The following PHC3 variants were observed in gnomAD, a reference collection of about 807,000 sequenced individuals.
PHC3 encodes polyhomeotic-like protein 3.
In PHC3, 13 loss-of-function variants were observed where a neutral mutation model predicts 107.4. The ratio of observed to expected loss-of-function variants is 0.12; its 90% CI spans 0.08 to 0.19. PHC3 has a LOEUF of 0.19. Ranked by LOEUF, PHC3 falls within the 10% of genes least tolerant of loss-of-function variation. PHC3 has a pLI of 1.00. For missense variants in PHC3, 992 were observed against 1,210.9 expected (o/e 0.82, Z 2.68); for synonymous variants, 456 against 427.4 (o/e 1.07, Z -0.83).
At chr3:170,101,935 ATGTT>A (rs1330245776) in intron 14 of PHC3, among the ~76,000 whole-genome samples, 85 of 152,260 alleles carry the variant, frequency 5.6e-4, no homozygotes, top group South Asian at 2.1e-4. Context: ...AAGGCTCTTG[ATGTT>A]TATTTATTGA....
At chr3:170,168,149 CT>C (rs1272965444) in intron 4 of PHC3, among the ~76,000 whole-genome samples, 1 of 149,186 alleles carries the variant, frequency 6.7e-6, no homozygotes, top group Non-Finnish European at 1.5e-5. Context: ...GAGGAAGACT[CT>C]GTCAAAGGAA....
intron 8 of PHC3, 23 bp from the exon 9 acceptor site, chr3:170,122,767 C>T (rs377073809): frequency 1.2e-6 from 2 of 1,605,268 alleles, no homozygotes; most frequent in African/African-American, 2.7e-5. Context: ...ACCATACTGC[C>T]TTAAAATGTT....
intron 7 of PHC3, among the ~76,000 whole-genome samples, chr3:170,130,067 G>A (rs1279738226): frequency 6.6e-6 from 1 of 152,182 alleles, no homozygotes; most frequent in Non-Finnish European, 1.5e-5. Flanking sequence ...ACTGTGATAA[G>A]TTCTAAAAGA....
chr3:170,170,682 G>A (rs746742198), intron 4 of PHC3: 1 of 152,044 alleles, frequency 6.6e-6, no homozygotes, highest in Non-Finnish European at 1.5e-5. Flanking sequence ...GGAAAAGAAT[G>A]AATGATAAAG....
In PHC3 at chr3:170,127,711, G is replaced by C. The variant is rs139005904; in HGVS notation, c.1788+973C>G. 3.7e-3 allele frequency among the ~76,000 whole-genome samples: 564 copies of C among 152,210 alleles called. 6 individuals carry two copies. Among genetic ancestry groups the C allele is most frequent in the African/African-American group, 0.013 (554 of 41,532 alleles). On this transcript the variant is annotated intron_variant, in intron 8 of 14. Coordinates refer to ENST00000495893, the MANE Select transcript of PHC3 (RefSeq NM_024947.4). ...TAGCTTTTAGGTGATAAAATCTCTTGGATGAGGTGTAATACAAAACCTCCC... is the reference window on the plus strand; with the variant it reads ...TAGCTTTTAGGTGATAAAATCTCTTCGATGAGGTGTAATACAAAACCTCCC...
At chr3:170,128,662 C>T in intron 8 of PHC3, 22 bp downstream of exon 8, 3 of 1,595,220 alleles carry the variant, frequency 1.9e-6, no homozygotes, top group Non-Finnish European at 2.6e-6. Context: ...GCAAGAAAGT[C>T]AAAGAGCTTC....
intron 14 of PHC3, among the ~76,000 whole-genome samples, chr3:170,099,181 G>A (rs532043741): frequency 6.6e-6 from 1 of 152,268 alleles, no homozygotes; most frequent in African/African-American, 2.4e-5. Context: ...AGGAAAATAT[G>A]TAGCACATTC....
rs1714552225 is a variant in PHC3, at chr3:170,095,595, A to C, written c.*1635T>G. On this transcript the variant is annotated 3_prime_UTR_variant, in exon 15 of 15. Coordinates refer to ENST00000495893, the MANE Select transcript of PHC3 (RefSeq NM_024947.4). ...TTGAAAAGAGCAGTGAAAATGACTG[A>C]AACTCACGGACTCTTTTTTTCCCCT... The C allele has an allele frequency of 6.6e-6, 1 of 152,196 alleles. No homozygotes were observed. Among genetic ancestry groups the C allele is most frequent in the Admixed American group, 6.5e-5 (1 of 15,268 alleles). The allele number at this position is 152,196 out of a possible 1,614,324, so 9.4% of individuals were successfully genotyped here. A position where few individuals can be genotyped will look rare whatever the true frequency, so the allele number is the denominator to read the frequency against.
Position 170,178,921 on chromosome 3 carries a change from G to A in PHC3, c.32C>T (p.Thr11Ile). The A allele has an allele frequency of 6.2e-7, 1 of 1,613,278 alleles. No homozygotes were observed. Among genetic ancestry groups the A allele is most frequent in the Non-Finnish European group, 8.5e-7 (1 of 1,179,468 alleles). MAEAEFKDHS[T>I]AMDTEPNPGT... Reference sequence around the variant, plus strand: ...CGGGTTTGGTTCAGTATCCATAGCTGTACTATGGTCCTTAAATCTGGCAGG... The same window carrying A: ...CGGGTTTGGTTCAGTATCCATAGCTATACTATGGTCCTTAAATCTGGCAGG... The change falls in exon 2 of 15, where the codon ACA becomes ATA. Residue 11 changes from threonine to isoleucine, a missense_variant. Thr to Ile is a moderately conservative substitution (Grantham distance 89). Transcript: ENST00000495893.
Position 170,095,010 on chromosome 3 carries a change from AT to A in PHC3, c.*2219del, listed in dbSNP as rs895060870. On this transcript the variant is annotated 3_prime_UTR_variant, in exon 15 of 15. Transcript: ENST00000495893. ...GGAGCAGTCTATCCCCATATAATAA[AT>A]TTTGTATTAACCGTGGATAATCTAT... 2.0e-5 allele frequency: 3 copies of A among 152,160 alleles called. No individual in the cohort carries two copies. Among genetic ancestry groups the A allele is most frequent in the African/African-American group, 7.2e-5 (3 of 41,430 alleles). The allele number at this position is 152,160 out of a possible 1,614,324, so 9.4% of individuals were successfully genotyped here.
At position 170,128,311 on chromosome 3, in the gene PHC3, A is replaced by G. The variant is rs750185683; in HGVS notation, c.1788+373T>C. On this transcript the variant is annotated intron_variant, in intron 8 of 14. Coordinates refer to ENST00000495893, the MANE Select transcript of PHC3 (RefSeq NM_024947.4). ...CATACGTTTTGAGAACATACAAGCC[A>G]ACAGAAGGGATCTATGAAGGATAAT... The G allele has an allele frequency of 2.5e-6, 3 of 1,219,094 alleles. No individual in the cohort carries two copies. In the South Asian group the frequency reaches 4.1e-5, roughly 17 times the overall value. The allele number at this position is 1,219,094 out of a possible 1,614,324, so 75.5% of individuals were successfully genotyped here.
intron 4 of PHC3, among the ~76,000 whole-genome samples, chr3:170,155,821 C>A (rs1726804198): frequency 6.6e-6 from 1 of 152,116 alleles, no homozygotes; most frequent in Non-Finnish European, 1.5e-5. Context: ...AACACACACA[C>A]ACCCATGCAC....
intron 10 of PHC3, among the ~76,000 whole-genome samples, chr3:170,114,167 G>A (rs989233550): frequency 1.3e-4 from 20 of 152,022 alleles, no homozygotes; most frequent in Non-Finnish European, 7.4e-5. Flanking sequence ...GTGCCACCGC[G>A]CCTGGCTAAT....
chr3:170,167,616 C>T (rs1485519348), intron 4 of PHC3, among the ~76,000 whole-genome samples: 5 of 151,878 alleles, frequency 3.3e-5, no homozygotes, highest in African/African-American at 9.7e-5. Flanking sequence ...AAAAATTAGC[C>T]GGGCATGGTG....
intron 2 of PHC3, chr3:170,176,806 T>C (rs1461749149): frequency 7.1e-6 from 3 of 423,916 alleles, no homozygotes; most frequent in African/African-American, 4.1e-5. Context: ...AGATACTTCA[T>C]TAATCTCAAA....
chr3:170,132,231 A>G (rs907159627), intron 7 of PHC3, among the ~76,000 whole-genome samples: 1 of 152,230 alleles, frequency 6.6e-6, no homozygotes, highest in Non-Finnish European at 1.5e-5. Flanking sequence ...TATTTCACCC[A>G]GTAACTACAA....
intron 9 of PHC3, among the ~76,000 whole-genome samples, chr3:170,117,832 T>TAAAAAAAAAACCAAAA (rs1719344546): frequency 1.1e-5 from 1 of 88,750 alleles, no homozygotes; most frequent in Non-Finnish European, 2.4e-5. Flanking sequence ...CCATCTCTAC[T>TAAAAAAAAAACCAAAA]AAAAAAAAAA....
intron 7 of PHC3, among the ~76,000 whole-genome samples, chr3:170,132,474 T>G (rs1289551892): frequency 1.3e-5 from 2 of 152,118 alleles, no homozygotes; most frequent in East Asian, 3.8e-4. Context: ...ATGGGGCCTC[T>G]AAGGAAGTAA....
At position 170,119,745 on chromosome 3, in the gene PHC3, T is replaced by C. The variant is rs1577043741; in HGVS notation, c.1943-2269A>G. ...TAGATGCTTTTCACTTTCAAAAAATTTTAAAGATTTATAACAACTGAATCT... is the reference window on the plus strand; with the variant it reads ...TAGATGCTTTTCACTTTCAAAAAATCTTAAAGATTTATAACAACTGAATCT... On this transcript the variant is annotated intron_variant, in intron 9 of 14. Coordinates refer to ENST00000495893, the MANE Select transcript of PHC3 (RefSeq NM_024947.4). Among the ~76,000 whole-genome samples, 3 of 152,244 alleles carry C rather than the reference T, an allele frequency of 2.0e-5. No individual in the cohort carries two copies. The East Asian group carries it at 5.8e-4, about 29-fold the overall frequency.
Sources: allele counts gnomAD v4.1 joint callset (sites outside exome capture counted in the v4.1 genomes callset), GRCh38; gene constraint gnomAD v4.1.1; transcripts MANE v1.5; gene names NCBI Gene and HGNC (gene_info 2026-07-23, HGNC 2026-07-21).